Variants in RBMXL1 observed in about 807,000 individuals in gnomAD.
The protein encoded by RBMXL1 is RBMX like 1, also known as RNA binding motif protein, X-linked-like-1.
Under a neutral mutation model 29.0 loss-of-function variants are expected in RBMXL1, and 18 were observed. The observed-to-expected ratio is 0.62, with a 90% confidence interval of 0.43 to 0.92. RBMXL1 has a LOEUF of 0.92. Ranked by LOEUF, RBMXL1 falls within the 40% of genes least tolerant of loss-of-function variation. The probability of loss-of-function intolerance (pLI) is 0.00; values close to 1 mark genes in which losing one functional copy is unlikely to be tolerated. For missense variants in RBMXL1, 403 were observed against 495.8 expected (o/e 0.81, Z 1.78); for synonymous variants, 141 against 170.4 (o/e 0.83, Z 1.34).
At chr1:88,991,575 G>A (rs891244569) in intron 1 of RBMXL1, among the ~76,000 whole-genome samples, 1 of 152,252 alleles carries the variant, frequency 6.6e-6, no homozygotes, top group African/African-American at 2.4e-5. Flanking sequence ...GGGGAGTACA[G>A]TGGAAGGATG....
chr1:88,982,519 G>A lies in RBMXL1; in HGVS notation c.*135C>T. On this transcript the variant is annotated 3_prime_UTR_variant, in exon 3 of 3. Transcript: ENST00000652648. ...TCACAAGAACATAAAAATTACGGAA[G>A]GGACTTAACAGGGAATTTAAAAAAG... is the stretch of plus-strand genomic sequence containing the variant. 1 of 1,309,150 alleles carries A rather than the reference G, an allele frequency of 7.6e-7. No individual in the cohort carries two copies. Among genetic ancestry groups the A allele is most frequent in the Non-Finnish European group, 1.0e-6 (1 of 970,346 alleles). The allele number at this position is 1,309,150 out of a possible 1,614,324, so 81.1% of individuals were successfully genotyped here. A position where few individuals can be genotyped will look rare whatever the true frequency, so the allele number is the denominator to read the frequency against.
In RBMXL1 at chr1:88,984,015, G is replaced by A. The variant is rs774021358; in HGVS notation, c.-189C>T. 9.3e-6 allele frequency: 6 copies of A among 642,724 alleles called. No individual in the cohort carries two copies. The highest frequency in any genetic ancestry group is 1.7e-5 in the Non-Finnish European group (6 of 362,354). 39.8% of individuals were successfully genotyped at this position (642,724 alleles called of 1,614,324 possible). On this transcript the variant is annotated 5_prime_UTR_variant, in exon 3 of 3. Coordinates refer to ENST00000652648, the MANE Select transcript of RBMXL1 (RefSeq NM_001162536.3). Reference sequence around the variant, plus strand: ...TATGGCTATCCATTCAAAAAACCAGGAAAATTACTTTCTTTTGCCACTAGA... The same window carrying A: ...TATGGCTATCCATTCAAAAAACCAGAAAAATTACTTTCTTTTGCCACTAGA...
chr1:88,988,373 G>A, intron 1 of RBMXL1, 22 bp from the exon 2 acceptor site: 5 of 1,455,094 alleles, frequency 3.4e-6, no homozygotes, highest in Non-Finnish European at 4.8e-6. Context: ...AAGAAAAATT[G>A]AGAAGAGGAA....
chr1:88,992,326 C>T (rs1476435348), intron 1 of RBMXL1, among the ~76,000 whole-genome samples: 1 of 152,254 alleles, frequency 6.6e-6, no homozygotes, highest in Non-Finnish European at 1.5e-5. Context: ...TTCTAAAAGC[C>T]CAAACAGCGA....
rs139696847 is a variant in RBMXL1 at position 88,983,050 on chromosome 1, G to A, written c.777C>T (p.Gly259=). 1 of 1,612,560 alleles carries A rather than the reference G, an allele frequency of 6.2e-7. No homozygotes were observed. The highest frequency in any genetic ancestry group is 2.2e-5 in the East Asian group (1 of 44,878). ...SSSRDDYPSR[G]YGDRDGYGRD... Reference sequence around the variant, plus strand: ...GACCATATCCATCTCTATCGCCATAGCCTCTTGATGGATAGTCATCACGTG... The same window carrying A: ...GACCATATCCATCTCTATCGCCATAACCTCTTGATGGATAGTCATCACGTG... Residue 259 remains glycine (G), a synonymous_variant, in exon 3 of 3, where the codon GGC becomes GGT. Coordinates refer to ENST00000652648, the MANE Select transcript of RBMXL1 (RefSeq NM_001162536.3).
At chr1:88,987,173 G>C (rs1032755580) in intron 2 of RBMXL1, among the ~76,000 whole-genome samples, 1 of 152,156 alleles carries the variant, frequency 6.6e-6, no homozygotes. Context: ...ATGCATAATG[G>C]TGAGCCCTGG....
At position 88,980,585 on chromosome 1, in the gene RBMXL1, A is replaced by G. The variant is rs1328371918; in HGVS notation, c.*2069T>C. ...TCTGTTTTACAACCAGTATAAACCCAGAAGAATCAAGATCTGATTCTTTTT... is the reference window on the plus strand; with the variant it reads ...TCTGTTTTACAACCAGTATAAACCCGGAAGAATCAAGATCTGATTCTTTTT... On this transcript the variant is annotated 3_prime_UTR_variant, in exon 3 of 3. Coordinates refer to ENST00000652648, the MANE Select transcript of RBMXL1 (RefSeq NM_001162536.3). The G allele has an allele frequency of 1.3e-5, 2 of 152,664 alleles. No homozygotes were observed. The highest frequency in any genetic ancestry group is 4.8e-5 in the African/African-American group (2 of 41,476). 9.5% of individuals were successfully genotyped at this position (152,664 alleles called of 1,614,324 possible). A position where few individuals can be genotyped will look rare whatever the true frequency, so the allele number is the denominator to read the frequency against.
Position 88,984,034 on chromosome 1 carries a change from C to T in RBMXL1, c.-208G>A, listed in dbSNP as rs1304501393. The T allele has an allele frequency of 1.9e-5, 9 of 478,480 alleles. No homozygotes were observed. The highest frequency in any genetic ancestry group is 3.2e-5 in the Non-Finnish European group (8 of 252,022). The allele number at this position is 478,480 out of a possible 1,614,324, so 29.6% of individuals were successfully genotyped here. ...AACCAGGAAAATTACTTTCTTTTGC[C>T]ACTAGATGGCAGAGGAAAACAACAG... is the stretch of plus-strand genomic sequence containing the variant. On this transcript the variant is annotated 5_prime_UTR_variant, in exon 3 of 3. Transcript: ENST00000652648.
Position 88,982,234 on chromosome 1 carries a change from C to A in RBMXL1, c.*420G>T. The A allele has an allele frequency of 1.5e-6, 1 of 672,828 alleles. No individual in the cohort carries two copies. The highest frequency in any genetic ancestry group is 1.9e-6 in the Non-Finnish European group (1 of 536,820). 41.7% of individuals were successfully genotyped at this position (672,828 alleles called of 1,614,324 possible). On this transcript the variant is annotated 3_prime_UTR_variant, in exon 3 of 3. Transcript: ENST00000652648. Reference sequence around the variant, plus strand: ...CTGAAATCTTATGAGTAGCATACTCCAACCACCCTCTAATAGCTAGCTTGT... The same window carrying A: ...CTGAAATCTTATGAGTAGCATACTCAAACCACCCTCTAATAGCTAGCTTGT...
chr1:88,980,845 G>A lies in RBMXL1; in HGVS notation c.*1809C>T, dbSNP rs1677046364. ...GGATTCGGCTAAGACAACTATGGAA[G>A]TGTAACAACCACATAAATTTGGTCA... On this transcript the variant is annotated 3_prime_UTR_variant, in exon 3 of 3. Coordinates refer to ENST00000652648, the MANE Select transcript of RBMXL1 (RefSeq NM_001162536.3). 6.6e-6 allele frequency: 1 copy of A among 152,186 alleles called. No homozygotes were observed. The highest frequency in any genetic ancestry group is 6.5e-5 in the Admixed American group (1 of 15,282). 9.4% of individuals were successfully genotyped at this position (152,186 alleles called of 1,614,324 possible). A position where few individuals can be genotyped will look rare whatever the true frequency, so the allele number is the denominator to read the frequency against.
intron 2 of RBMXL1, among the ~76,000 whole-genome samples, chr1:88,985,823 C>T (rs1183641193): frequency 6.6e-6 from 1 of 152,116 alleles, no homozygotes; most frequent in Non-Finnish European, 1.5e-5. Context: ...TAACTTTGCA[C>T]TAAAGGAGGC....
At chr1:88,991,447 C>T (rs1318818672) in intron 1 of RBMXL1, among the ~76,000 whole-genome samples, 2 of 152,174 alleles carry the variant, frequency 1.3e-5, no homozygotes, top group African/African-American at 4.8e-5. Context: ...TACAAGAGTC[C>T]GACCACTGTA....
chr1:88,984,831 C>T (rs1018664640), intron 2 of RBMXL1, among the ~76,000 whole-genome samples: 1 of 152,122 alleles, frequency 6.6e-6, no homozygotes, highest in Admixed American at 6.5e-5. Context: ...GATTATCTTC[C>T]CTCCACCCTG....
intron 2 of RBMXL1, among the ~76,000 whole-genome samples, chr1:88,986,721 A>C (rs944578683): frequency 3.3e-5 from 5 of 152,206 alleles, no homozygotes; most frequent in Non-Finnish European, 7.3e-5. Context: ...GCAGATTTTC[A>C]TGACATTAAG....
At chr1:88,991,505 T>C (rs770163079) in intron 1 of RBMXL1, among the ~76,000 whole-genome samples, 5 of 152,204 alleles carry the variant, frequency 3.3e-5, no homozygotes, top group Admixed American at 6.5e-5. Context: ...GCTTCTAGAA[T>C]GTTTATAAGG....
chr1:88,988,324 G>C lies in RBMXL1; in HGVS notation c.-313C>G. 1 of 1,613,078 alleles carries C rather than the reference G, an allele frequency of 6.2e-7. No individual in the cohort carries two copies. The highest frequency in any genetic ancestry group is 8.5e-7 in the Non-Finnish European group (1 of 1,179,420). On this transcript the variant is annotated 5_prime_UTR_variant, in exon 2 of 3. Transcript: ENST00000652648. ...GGAATTTTGCTCTACCGCTAAGAGA[G>C]CAGAGGCTCCTCTGGGCCAAAAACA...
In RBMXL1 at chr1:88,982,708, AC is replaced by A. The variant is rs776770694; in HGVS notation, c.1118del (p.Gly373ValfsTer43). ...CAGATCGGCTTCCTCCAGGGCCAGC[AC>A]CTCTTGGTGCTCCGCGGCTTGAACT... The part of the protein sequence containing the change: ...YSSSSRGAPR[G>X]AGPGGSRSDR... On this transcript the variant is annotated frameshift_variant, in exon 3 of 3. Coordinates refer to ENST00000652648, the MANE Select transcript of RBMXL1 (RefSeq NM_001162536.3). LOFTEE classifies it high-confidence loss of function. 9.3e-6 allele frequency: 15 copies of A among 1,613,840 alleles called. No individual in the cohort carries two copies. The highest frequency in any genetic ancestry group is 1.3e-5 in the Non-Finnish European group (15 of 1,179,846).
At chr1:88,992,025 C>G (rs1677831529) in intron 1 of RBMXL1, among the ~76,000 whole-genome samples, 1 of 149,560 alleles carries the variant, frequency 6.7e-6, no homozygotes, top group African/African-American at 2.5e-5. Context: ...GTCGCCCAGG[C>G]TGGAGTGCAG....
Position 88,983,085 on chromosome 1 carries a change from G to A in RBMXL1, c.742C>T (p.His248Tyr), listed in dbSNP as rs1319755371. ...GGATAGTCATCACGTGAACTGGAATGACCATAATCACGGTAAGTATAATCT... is the reference window on the plus strand; with the variant it reads ...GGATAGTCATCACGTGAACTGGAATAACCATAATCACGGTAAGTATAATCT... ...PRDYTYRDYG[H>Y]SSSRDDYPSR... is the part of the protein sequence containing the mutation. The change falls in exon 3 of 3, where the codon CAT becomes TAT. Residue 248 changes from histidine to tyrosine, a missense_variant. By Grantham distance (83) the His-to-Tyr change is moderately conservative (BLOSUM62 2). Transcript: ENST00000652648. The A allele has an allele frequency of 1.2e-6, 2 of 1,612,310 alleles. No homozygotes were observed. The highest frequency in any genetic ancestry group is 1.3e-5 in the African/African-American group (1 of 74,844).
Sources: gnomAD v4.1 joint callset for allele counts (sites outside exome capture counted in the v4.1 genomes callset) on GRCh38, gnomAD v4.1.1 for gene constraint, MANE v1.5 for transcripts, NCBI Gene and HGNC (gene_info 2026-07-23, HGNC 2026-07-21) for gene names.